Variants in AXL observed in about 807,000 individuals in gnomAD.
The protein encoded by AXL is AXL receptor tyrosine kinase.
A neutral mutation model predicts 104.5 loss-of-function variants in AXL; 52 were observed. That is an observed-to-expected ratio of 0.50 (90% CI 0.40 to 0.63). The LOEUF is 0.63. AXL is among the 20% of genes least tolerant of loss of function. The pLI is 0.00. For missense variants in AXL, 1,024 were observed against 1,188.5 expected (o/e 0.86, Z 2.04); for synonymous variants, 455 against 473.7 (o/e 0.96, Z 0.51).
At chr19:41,236,474 C>A (rs185132209) in intron 6 of AXL, among the ~76,000 whole-genome samples, 5 of 151,878 alleles carry the variant, frequency 3.3e-5, no homozygotes, top group African/African-American at 4.8e-5. Flanking sequence ...TGCACTCCAG[C>A]TCAGGTGATG....
intron 4 of AXL, among the ~76,000 whole-genome samples, chr19:41,227,729 T>A (rs2033908372): frequency 6.6e-6 from 1 of 152,052 alleles, no homozygotes; most frequent in East Asian, 1.9e-4. Flanking sequence ...TCTCAAGTGA[T>A]CCACCCGCCT....
Position 41,259,785 on chromosome 19 carries a change from A to T in AXL, c.2566A>T (p.Thr856Ser), listed in dbSNP as rs761230103. The T allele has an allele frequency of 3.1e-6, 5 of 1,613,892 alleles. No homozygotes were observed. Among genetic ancestry groups the T allele is most frequent in the Admixed American group, 1.7e-5 (1 of 59,976 alleles). ...PDPKDSCSCLTAAEVHPAGRY... is the reference protein window; with the variant it reads ...PDPKDSCSCLSAAEVHPAGRY... Reference sequence around the variant, plus strand: ...CCCTAAGGATTCCTGTAGCTGCCTCACTGCGGCTGAGGTCCATCCTGCTGG... The same window carrying T: ...CCCTAAGGATTCCTGTAGCTGCCTCTCTGCGGCTGAGGTCCATCCTGCTGG... Residue 856 changes from threonine (T) to serine (S), a missense_variant, in exon 20 of 20, where the codon ACT becomes TCT. Transcript: ENST00000301178.
At chr19:41,244,002 T>TC in intron 12 of AXL, 1 of 299,478 alleles carries the variant, frequency 3.3e-6, no homozygotes, top group Non-Finnish European at 6.3e-6. Flanking sequence ...GCCCAGGAGT[T>TC]CGAGAACAGC....
intron 17 of AXL, among the ~76,000 whole-genome samples, chr19:41,255,374 CTCTT>C (rs1055942027): frequency 8.8e-5 from 13 of 147,740 alleles, no homozygotes; most frequent in East Asian, 2.0e-4. Context: ...CTCTTTCTCT[CTCTT>C]TATCTCCTTC....
chr19:41,232,491 C>T (rs983228985), intron 6 of AXL, among the ~76,000 whole-genome samples: 3 of 151,892 alleles, frequency 2.0e-5, no homozygotes, highest in African/African-American at 7.3e-5. Context: ...GGTGTGGTGG[C>T]ACACACCTGT....
rs1461770830 is a variant in AXL at position 41,257,550 on chromosome 19, G to T, written c.2254G>T (p.Gly752Cys). 2 of 1,614,046 alleles carry T rather than the reference G, an allele frequency of 1.2e-6. No homozygotes were observed. Among genetic ancestry groups the T allele is most frequent in the Non-Finnish European group, 1.7e-6 (2 of 1,180,046 alleles). Residue 752 changes from glycine (G) to cysteine (C), a missense_variant, in exon 19 of 20, where the codon GGC becomes TGC. This residue lies in a region of AXL where 523 missense variants were observed against 636.0 expected (regional missense o/e 0.82). Transcript: ENST00000301178. ...CACAAGAGGCCAAACCCCATATCCG[G>T]GCGTGGAGAACAGCGAGATTTATGA... Reference protein sequence around the residue: ...IATRGQTPYPGVENSEIYDYL... With the variant: ...IATRGQTPYPCVENSEIYDYL...
chr19:41,244,476 C>CT (rs908642050), intron 12 of AXL, among the ~76,000 whole-genome samples: 6 of 150,028 alleles, frequency 4.0e-5, no homozygotes, highest in South Asian at 2.1e-4. Context: ...TTTCTTTTTT[C>CT]TTTTTTTTTC....
At chr19:41,227,596 G>T (rs533145970) in intron 4 of AXL, among the ~76,000 whole-genome samples, 1 of 151,046 alleles carries the variant, frequency 6.6e-6, no homozygotes, top group South Asian at 2.1e-4. Flanking sequence ...AGCAGTTATC[G>T]TGCCTCAGCC....
In AXL at chr19:41,238,629, T is replaced by TTGGAG; in HGVS notation, c.1134+29_1134+33dup. 2 of 1,596,872 alleles carry TTGGAG rather than the reference T, an allele frequency of 1.3e-6. No homozygotes were observed. Among genetic ancestry groups the TTGGAG allele is most frequent in the East Asian group, 2.3e-5 (1 of 44,286 alleles). ...CCAGAGGTGGGTGCTGCTGGTGGGA[T>TTGGAG]TGGAGTGGAGTGGCTTGGGGAGGAG... On this transcript the variant is annotated intron_variant, in intron 8 of 19. Transcript: ENST00000301178.
At chr19:41,246,445 A>AG (rs1266217208) in intron 12 of AXL, among the ~76,000 whole-genome samples, 2 of 104,642 alleles carry the variant, frequency 1.9e-5, no homozygotes. Flanking sequence ...AGACTGTCTC[A>AG]AAAAAAAAAA....
At chr19:41,224,707 G>A (rs1220410288) in intron 4 of AXL, among the ~76,000 whole-genome samples, 1 of 152,044 alleles carries the variant, frequency 6.6e-6, no homozygotes, top group African/African-American at 2.4e-5. Flanking sequence ...CCAGCTTTCT[G>A]TGTGTGTCCA....
At chr19:41,230,649 T>C (rs1175927980) in intron 4 of AXL, among the ~76,000 whole-genome samples, 1 of 150,172 alleles carries the variant, frequency 6.7e-6, no homozygotes, top group Admixed American at 6.7e-5. Context: ...AGTGTGTCTG[T>C]CTCTGGGGTG....
chr19:41,243,207 T>A (rs1245818539), intron 11 of AXL, among the ~76,000 whole-genome samples, 192 bp downstream of exon 11: 1 of 151,946 alleles, frequency 6.6e-6, no homozygotes. Flanking sequence ...TCACTTGAGG[T>A]CAGGAGTTTG....
rs542749094 is a variant in AXL at position 41,223,244 on chromosome 19, G to A, written c.586+1188G>A. 3.0e-4 allele frequency among the ~76,000 whole-genome samples: 45 copies of A among 151,964 alleles called. 1 individual carries two copies. Among genetic ancestry groups the A allele is most frequent in the African/African-American group, 1.1e-3 (44 of 41,408 alleles). On this transcript the variant is annotated intron_variant, in intron 4 of 19. Transcript: ENST00000301178. The stretch of plus-strand genomic sequence containing the variant: ...CGGGAGATGGAGGTTGCAGTGAGCC[G>A]AGATCACACCACTGCACTCCAGCCT...
chr19:41,238,559 G>A lies in AXL; in HGVS notation c.1084G>A (p.Gly362Ser), dbSNP rs1599733699. 3 of 1,613,820 alleles carry A rather than the reference G, an allele frequency of 1.9e-6. No homozygotes were observed. Among genetic ancestry groups the A allele is most frequent in the Non-Finnish European group, 1.7e-6 (2 of 1,179,836 alleles). The change falls in exon 8 of 20, where the codon GGT becomes AGT. Residue 362 changes from glycine to serine, a missense_variant. Transcript: ENST00000301178. ...HWQEPRAPLQ[G>S]TLLGYRLAYQ... ...GCAAGAGCCCCGGGCGCCCCTGCAG[G>A]GTACCCTGTTAGGGTACCGGCTGGC...
In AXL at chr19:41,219,321, G is replaced by A. The variant is rs1461398138; in HGVS notation, c.-72G>A. The A allele has an allele frequency of 2.1e-6, 3 of 1,435,928 alleles. No individual in the cohort carries two copies. The highest frequency in any genetic ancestry group is 2.8e-6 in the Non-Finnish European group (3 of 1,064,126). 88.9% of individuals were successfully genotyped at this position (1,435,928 alleles called of 1,614,324 possible). Reference sequence around the variant, plus strand: ...CCGGGGAGCCTGGAGCTGGGGGGAGGGCCGGGGACAGCCCGGCCCTGCCCC... The same window carrying A: ...CCGGGGAGCCTGGAGCTGGGGGGAGAGCCGGGGACAGCCCGGCCCTGCCCC... On this transcript the variant is annotated 5_prime_UTR_variant, in exon 1 of 20. Transcript: ENST00000301178.
At chr19:41,256,341 C>G in intron 17 of AXL, 111 bp from the exon 18 acceptor site, 1 of 1,322,068 alleles carries the variant, frequency 7.6e-7, no homozygotes, top group Non-Finnish European at 1.1e-6. Context: ...GATCCCCACC[C>G]GCAGCCAGGA....
chr19:41,256,137 C>T lies in AXL; in HGVS notation c.2037-315C>T, dbSNP rs74510039. Among the ~76,000 whole-genome samples, 1,021 of 152,046 alleles carry T rather than the reference C, an allele frequency of 6.7e-3. 14 individuals are homozygous for T. The highest frequency in any genetic ancestry group is 0.023 in the African/African-American group (956 of 41,456). ...GAGCTGCTTACTTATGACTTGTGCA[C>T]ATTTCCATATGTACAGTATACTTCA... On this transcript the variant is annotated intron_variant, in intron 17 of 19. Coordinates refer to ENST00000301178, the MANE Select transcript of AXL (RefSeq NM_021913.5).
chr19:41,258,572 G>A (rs2034488916), intron 19 of AXL, among the ~76,000 whole-genome samples: 1 of 152,072 alleles, frequency 6.6e-6, no homozygotes, highest in Non-Finnish European at 1.5e-5. Context: ...GTGCCACCAT[G>A]CCCAGCTAAT....
Sources: allele counts gnomAD v4.1 joint callset (sites outside exome capture counted in the v4.1 genomes callset), GRCh38; gene constraint gnomAD v4.1.1; regional missense constraint gnomAD v4.1.1; transcripts MANE v1.5; gene names NCBI Gene and HGNC (gene_info 2026-07-23, HGNC 2026-07-21).